The following JAK2 variants were observed in gnomAD, a reference collection of about 807,000 sequenced individuals.
JAK2 encodes the protein tyrosine-protein kinase JAK2.
A neutral mutation model predicts 139.3 loss-of-function variants in JAK2; 86 were observed. The ratio of observed to expected loss-of-function variants is 0.62; its 90% confidence interval spans 0.52 to 0.74. JAK2 has a LOEUF of 0.74. Among genes scored for constraint, JAK2 ranks in the 30% least tolerant of loss-of-function variants. JAK2 has a pLI of 0.00. For missense variants in JAK2, 1,421 were observed against 1,360.3 expected (o/e 1.04, Z -0.70); for synonymous variants, 490 against 437.7 (o/e 1.12, Z -1.49).
chr9:5,036,944 C>T (rs557994082), intron 4 of JAK2, among the ~76,000 whole-genome samples: 1 of 152,118 alleles, frequency 6.6e-6, no homozygotes, highest in African/African-American at 2.4e-5. Context: ...AATGGGAGAA[C>T]ATTTTTGTAA....
Position 5,127,538 on chromosome 9 carries a change from T to C in JAK2, c.*747T>C, listed in dbSNP as rs1165273750. 4.3e-6 allele frequency: 1 copy of C among 231,172 alleles called. No individual in the cohort carries two copies. The highest frequency in any genetic ancestry group is 8.6e-6 in the Non-Finnish European group (1 of 116,462). The allele number at this position is 231,172 out of a possible 1,614,324, so 14.3% of individuals were successfully genotyped here. A position where few individuals can be genotyped will look rare whatever the true frequency, so the allele number is the denominator to read the frequency against. On this transcript the variant is annotated 3_prime_UTR_variant, in exon 25 of 25. Transcript: ENST00000381652. Reference sequence around the variant, plus strand: ...ATCTATTTTATTATGGTTTCCCTTGTATCTATTTGTGGTGAATGTGTTTTT... The same window carrying C: ...ATCTATTTTATTATGGTTTCCCTTGCATCTATTTGTGGTGAATGTGTTTTT...
intron 22 of JAK2, among the ~76,000 whole-genome samples, chr9:5,116,174 ATCTC>A (rs1554683634): frequency 6.6e-6 from 1 of 152,116 alleles, no homozygotes; most frequent in Non-Finnish European, 1.5e-5. Context: ...TATGATTATT[ATCTC>A]TATTTTAAGC....
intron 3 of JAK2, among the ~76,000 whole-genome samples, chr9:5,024,129 A>G (rs2130096727): frequency 6.6e-6 from 1 of 152,178 alleles, no homozygotes; most frequent in Non-Finnish European, 1.5e-5. Context: ...GGTGGTGGGC[A>G]CCTGTAGTCC....
chr9:5,094,916 C>A, intron 22 of JAK2: 1 of 152,256 alleles, frequency 6.6e-6, no homozygotes, highest in East Asian at 1.9e-4. Context: ...TCCACTACAA[C>A]CAACTCATAT....
intron 4 of JAK2, chr9:5,041,047 G>C: frequency 1.5e-6 from 1 of 682,586 alleles, no homozygotes; most frequent in Non-Finnish European, 2.7e-6. Flanking sequence ...AAGCAGCTCA[G>C]CGCCATAGAG....
rs2130326731 is a variant in JAK2 at position 5,044,521 on chromosome 9, G to A, written c.468+1G>A. On this transcript the variant is annotated splice_donor_variant, in intron 5 of 24. Coordinates refer to ENST00000381652, the MANE Select transcript of JAK2 (RefSeq NM_004972.4). LOFTEE classifies it high-confidence loss of function. Reference sequence around the variant, plus strand: ...TGTCATGTCTTACCTCTTTGCTCAGGTATGATTATATTATCTTACTTGTAC... The same window carrying A: ...TGTCATGTCTTACCTCTTTGCTCAGATATGATTATATTATCTTACTTGTAC... The A allele has an allele frequency of 6.5e-7, 1 of 1,530,222 alleles. No individual in the cohort carries two copies. The allele number at this position is 1,530,222 out of a possible 1,614,324, so 94.8% of individuals were successfully genotyped here. A position where few individuals can be genotyped will look rare whatever the true frequency, so the allele number is the denominator to read the frequency against.
chr9:5,079,028 T>C (rs1322007456), intron 16 of JAK2, among the ~76,000 whole-genome samples: 4 of 152,238 alleles, frequency 2.6e-5, no homozygotes, highest in African/African-American at 9.6e-5. Flanking sequence ...TAATTGGATG[T>C]TCTAAATTTA....
Position 5,081,816 on chromosome 9 carries a change from A to G in JAK2, c.2526A>G (p.Thr842=). ...FSGAFEDRDP[T]QFEERHLKFL... is the part of the protein sequence containing the mutation. Reference sequence around the variant, plus strand: ...GTGCCTTTGAAGACCGGGATCCTACACAGTTTGAAGAGAGACATTTGAAAT... The same window carrying G: ...GTGCCTTTGAAGACCGGGATCCTACGCAGTTTGAAGAGAGACATTTGAAAT... Residue 842 remains threonine, a synonymous_variant, in exon 19 of 25, where the codon ACA becomes ACG. Transcript: ENST00000381652. The G allele has an allele frequency of 1.2e-6, 2 of 1,613,798 alleles. No homozygotes were observed. The highest frequency in any genetic ancestry group is 1.7e-6 in the Non-Finnish European group (2 of 1,179,652).
chr9:5,049,944 A>G (rs1051066393), intron 5 of JAK2, among the ~76,000 whole-genome samples: 4 of 152,192 alleles, frequency 2.6e-5, no homozygotes, highest in Non-Finnish European at 5.9e-5. Context: ...GATACAGTAA[A>G]AATGCAGTAT....
At chr9:5,073,520 C>T (rs1013954830) in intron 13 of JAK2, among the ~76,000 whole-genome samples, 178 bp from the exon 14 acceptor site, 3 of 152,128 alleles carry the variant, frequency 2.0e-5, no homozygotes, top group Non-Finnish European at 2.9e-5. Context: ...CAGGGGTTTC[C>T]TCAGAACGTT....
chr9:5,093,099 T>A (rs908648568), intron 22 of JAK2, among the ~76,000 whole-genome samples: 1 of 152,106 alleles, frequency 6.6e-6, no homozygotes, highest in African/African-American at 2.4e-5. Flanking sequence ...TTAATATAAA[T>A]AACATGAAAA....
At chr9:5,105,431 A>G (rs1033409058) in intron 22 of JAK2, among the ~76,000 whole-genome samples, 22 of 152,220 alleles carry the variant, frequency 1.4e-4, no homozygotes, top group Non-Finnish European at 2.5e-4. Context: ...AAACAAATGG[A>G]AGAACATTCC....
intron 22 of JAK2, among the ~76,000 whole-genome samples, chr9:5,118,236 TA>T (rs1402421458): frequency 1.3e-5 from 2 of 152,222 alleles, no homozygotes; most frequent in African/African-American, 4.8e-5. Context: ...AATAGACTTT[TA>T]TTTTTTTGTA....
intron 22 of JAK2, among the ~76,000 whole-genome samples, chr9:5,095,674 A>G (rs1468802698): frequency 1.4e-4 from 21 of 152,136 alleles, no homozygotes; most frequent in Admixed American, 1.4e-3. Flanking sequence ...ATCAATAAAC[A>G]CGACCAGTCT....
chr9:5,083,365 T>C (rs1022276495), intron 19 of JAK2, among the ~76,000 whole-genome samples: 6 of 152,196 alleles, frequency 3.9e-5, no homozygotes, highest in Non-Finnish European at 7.4e-5. Flanking sequence ...TGGTAAGCTC[T>C]TTCTCGCATA....
Position 5,077,459 on chromosome 9 carries a change from TG to T in JAK2, c.1873del (p.Val625PhefsTer5). ...GVCVCGDENI[L>X]VQEFVKFGSL... ...TACTTATATTTTAATGCAGATATTC[TG>T]GTTCAGGAGTTTGTAAAATTTGGAT... On this transcript the variant is annotated frameshift_variant, in exon 15 of 25. Coordinates refer to ENST00000381652, the MANE Select transcript of JAK2 (RefSeq NM_004972.4). LOFTEE classifies it high-confidence loss of function. The T allele has an allele frequency of 8.9e-7, 1 of 1,117,948 alleles. No homozygotes were observed. Among genetic ancestry groups the T allele is most frequent in the Non-Finnish European group, 1.2e-6 (1 of 820,596 alleles). 69.3% of individuals were successfully genotyped at this position (1,117,948 alleles called of 1,614,324 possible). A position where few individuals can be genotyped will look rare whatever the true frequency, so the allele number is the denominator to read the frequency against.
upstream of JAK2, chr9:4,984,920 A>G (rs1819854313): frequency 1.3e-5 from 2 of 152,300 alleles, no homozygotes; most frequent in South Asian, 4.1e-4. Flanking sequence ...GCTCACGCCC[A>G]GGGGCCGTCC....
chr9:5,033,348 T>C (rs1365668657), intron 4 of JAK2, among the ~76,000 whole-genome samples: 1 of 152,130 alleles, frequency 6.6e-6, no homozygotes, highest in East Asian at 1.9e-4. Flanking sequence ...TTCCCTAATC[T>C]AGCGAGGCAG....
At chr9:5,021,014 C>A (rs1323535298) in intron 2 of JAK2, among the ~76,000 whole-genome samples, 2 of 152,166 alleles carry the variant, frequency 1.3e-5, no homozygotes, top group South Asian at 2.1e-4. Context: ...CCCTATGTTA[C>A]TCCCAGGGCC....
Sources: gnomAD v4.1 joint callset for allele counts (sites outside exome capture counted in the v4.1 genomes callset) on GRCh38, gnomAD v4.1.1 for gene constraint, MANE v1.5 for transcripts, NCBI Gene and HGNC (gene_info 2026-07-23, HGNC 2026-07-21) for gene names.